The following BMAL1 variants were observed in gnomAD, a reference collection of about 807,000 sequenced individuals.
The protein encoded by BMAL1 is basic helix-loop-helix ARNT like 1.
the BMAL1 span, among the ~76,000 whole-genome samples, chr11:13,322,407 C>G: frequency 1.1e-4 from 17 of 152,176 alleles, no homozygotes; most frequent in African/African-American, 3.9e-4. Flanking sequence ...ACTCTTCTAC[C>G]CCATTGAGCT....
chr11:13,354,581 C>A, the BMAL1 span: 13 of 1,305,628 alleles, frequency 1.0e-5, no homozygotes, highest in Non-Finnish European at 1.3e-5. Context: ...TAGGTGGCGA[C>A]ACAGTTGGTT....
At chr11:13,369,602 G>T in the BMAL1 span, 5 of 1,613,652 alleles carry the variant, frequency 3.1e-6, no homozygotes, top group Non-Finnish European at 4.2e-6. Context: ...ATCACATTTT[G>T]TGTATTGATT....
At chr11:13,277,849 C>T in the BMAL1 span, 5 of 152,122 alleles carry the variant, frequency 3.3e-5, no homozygotes, top group Non-Finnish European at 5.9e-5. Context: ...CCTGTTTACC[C>T]GCGCCGGACT....
At chr11:13,381,195 A>C in the BMAL1 span, 1 of 1,614,194 alleles carries the variant, frequency 6.2e-7, no homozygotes, top group Non-Finnish European at 8.5e-7. Flanking sequence ...CTGTGGCTCC[A>C]GCCCATTGAA....
chr11:13,349,826 C>T, the BMAL1 span: 1 of 150,980 alleles, frequency 6.6e-6, no homozygotes, highest in Non-Finnish European at 1.5e-5. Context: ...AGCCTTCCTC[C>T]CTGTAATTAG....
At chr11:13,288,014 T>A in the BMAL1 span, among the ~76,000 whole-genome samples, 3 of 152,316 alleles carry the variant, frequency 2.0e-5, no homozygotes, top group South Asian at 6.2e-4. Context: ...TTCATAGAAC[T>A]GGTCAGGTTT....
the BMAL1 span, among the ~76,000 whole-genome samples, chr11:13,302,775 C>T: frequency 6.6e-6 from 1 of 152,214 alleles, no homozygotes; most frequent in African/African-American, 2.4e-5. Flanking sequence ...TGTCATCGCC[C>T]CTGCCCCCAC....
chr11:13,373,629 C>A, the BMAL1 span, among the ~76,000 whole-genome samples: 1 of 152,192 alleles, frequency 6.6e-6, no homozygotes, highest in Non-Finnish European at 1.5e-5. Flanking sequence ...ACCTCAGCCT[C>A]CCAGGTAGCT....
At chr11:13,309,546 T>C in the BMAL1 span, among the ~76,000 whole-genome samples, 424 of 152,308 alleles carry the variant, frequency 2.8e-3, 3 homozygotes, top group African/African-American at 9.0e-3. Flanking sequence ...AGCAGAATTT[T>C]AGATATCCAA....
At chr11:13,340,642 A>G in the BMAL1 span, among the ~76,000 whole-genome samples, 1 of 151,826 alleles carries the variant, frequency 6.6e-6, no homozygotes, top group South Asian at 2.1e-4. Context: ...CACTCTCCTC[A>G]ACTCCCTCCT....
chr11:13,338,481 C>G, the BMAL1 span, among the ~76,000 whole-genome samples: 1 of 152,210 alleles, frequency 6.6e-6, no homozygotes, highest in African/African-American at 2.4e-5. Context: ...ACCCATTGAA[C>G]AGATGTGCCA....
At chr11:13,302,334 C>T in the BMAL1 span, among the ~76,000 whole-genome samples, 2 of 152,154 alleles carry the variant, frequency 1.3e-5, no homozygotes, top group Non-Finnish European at 2.9e-5. Flanking sequence ...CAGAGTGCTG[C>T]GTGTTCCTGG....
the BMAL1 span, among the ~76,000 whole-genome samples, chr11:13,365,069 A>C: frequency 6.6e-6 from 1 of 152,140 alleles, no homozygotes; most frequent in Non-Finnish European, 1.5e-5. Flanking sequence ...TTGAAGGCAG[A>C]TGATGGCTGA....
chr11:13,370,865 T>C, the BMAL1 span, among the ~76,000 whole-genome samples: 2 of 152,222 alleles, frequency 1.3e-5, no homozygotes, highest in African/African-American at 4.8e-5. Flanking sequence ...ATGTGAGCCA[T>C]GTTGACTTCC....
the BMAL1 span, among the ~76,000 whole-genome samples, chr11:13,285,100 T>C: frequency 1.3e-5 from 2 of 152,226 alleles, no homozygotes; most frequent in Non-Finnish European, 2.9e-5. Flanking sequence ...GTACCTCTGA[T>C]AACATTTGTT....
At chr11:13,382,374 T>C in the BMAL1 span, among the ~76,000 whole-genome samples, 1 of 152,208 alleles carries the variant, frequency 6.6e-6, no homozygotes, top group African/African-American at 2.4e-5. Context: ...TAGTTTTCTT[T>C]ATAATGGAGC....
chr11:13,284,266 A>ATATATT, the BMAL1 span, among the ~76,000 whole-genome samples: 2 of 44,880 alleles, frequency 4.5e-5, no homozygotes, highest in African/African-American at 8.1e-5. Context: ...ATATATATAT[A>ATATATT]TTTTTTTTTT....
chr11:13,290,380 G>A, the BMAL1 span, among the ~76,000 whole-genome samples: 1 of 152,120 alleles, frequency 6.6e-6, no homozygotes, highest in East Asian at 1.9e-4. Context: ...TAGCCAGCTG[G>A]CCAGTCTGGC....
At chr11:13,377,575 G>C in the BMAL1 span, among the ~76,000 whole-genome samples, 9 of 152,172 alleles carry the variant, frequency 5.9e-5, no homozygotes, top group Admixed American at 3.3e-4. Flanking sequence ...TCTCCCTGCC[G>C]TGGACTTTCT....
Sources: gnomAD v4.1 joint callset for allele counts (sites outside exome capture counted in the v4.1 genomes callset) on GRCh38, gnomAD v4.1.1 for gene constraint, MANE v1.5 for transcripts, NCBI Gene and HGNC (gene_info 2026-07-23, HGNC 2026-07-21) for gene names.